The following MRAP2 variants were observed in gnomAD, a reference collection of about 807,000 sequenced individuals.
MRAP2 encodes the protein melanocortin 2 receptor accessory protein 2.
Under a neutral mutation model 17.4 loss-of-function variants are expected in MRAP2, and 20 were observed. The observed-to-expected ratio is 1.15, with a 90% confidence interval of 0.81 to 1.67. The LOEUF (loss-of-function observed/expected upper bound fraction) is 1.67. Among genes scored for constraint, MRAP2 ranks in the 40% most tolerant of loss-of-function variants. The pLI is 0.00. For synonymous variants in MRAP2, 96 were observed against 88.4 expected (o/e 1.09, Z -0.48); for missense variants, 238 against 240.0 (o/e 0.99, Z 0.05).
upstream of MRAP2, chr6:84,033,628 C>T (rs914405157): frequency 8.3e-6 from 8 of 963,410 alleles, no homozygotes; most frequent in Non-Finnish European, 9.9e-6. Flanking sequence ...CTCACCTCCT[C>T]TTGGCCAAGG....
rs557606326 is a variant in MRAP2 at position 84,090,373 on chromosome 6, T to G, written c.*892T>G. The G allele has an allele frequency of 6.6e-6, 1 of 152,282 alleles. No homozygotes were observed. Among genetic ancestry groups the G allele is most frequent in the South Asian group, 2.1e-4 (1 of 4,822 alleles). 9.4% of individuals were successfully genotyped at this position (152,282 alleles called of 1,614,324 possible). ...TTCTGGTGGGTTGTGCTGAAACAGC[T>G]CTTCTGAGAACTTCCAACCACCCAT... On this transcript the variant is annotated 3_prime_UTR_variant, in exon 4 of 4. Coordinates refer to ENST00000257776, the MANE Select transcript of MRAP2 (RefSeq NM_138409.4).
chr6:84,127,964 A>C, the MRAP2 span, among the ~76,000 whole-genome samples: 1 of 152,200 alleles, frequency 6.6e-6, no homozygotes, highest in African/African-American at 2.4e-5. Context: ...TGTGCTAGGC[A>C]TTAGGCTGAG....
chr6:84,094,278 T>G (rs2099502291), downstream of MRAP2, among the ~76,000 whole-genome samples: 1 of 152,180 alleles, frequency 6.6e-6, no homozygotes. Flanking sequence ...TGGCTTTCTC[T>G]CCAGAGCATG....
chr6:84,040,055 C>T (rs2099487118), intron 1 of MRAP2, among the ~76,000 whole-genome samples: 1 of 152,206 alleles, frequency 6.6e-6, no homozygotes, highest in African/African-American at 2.4e-5. Flanking sequence ...GCCTAAATCT[C>T]ATCTTGAACT....
the MRAP2 span, among the ~76,000 whole-genome samples, chr6:84,123,162 C>T: frequency 6.6e-6 from 1 of 151,038 alleles, no homozygotes; most frequent in East Asian, 2.0e-4. Context: ...CCAAAGCAAT[C>T]TACAGATTTG....
At chr6:84,079,060 T>TA (rs1348389392) in intron 3 of MRAP2, among the ~76,000 whole-genome samples, 1 of 152,232 alleles carries the variant, frequency 6.6e-6, no homozygotes, top group East Asian at 1.9e-4. Context: ...TATTCTTAGG[T>TA]ATTTATTCAA....
chr6:84,036,691 C>T (rs1434339632), intron 1 of MRAP2, among the ~76,000 whole-genome samples: 1 of 152,170 alleles, frequency 6.6e-6, no homozygotes, highest in Admixed American at 6.5e-5. Flanking sequence ...CCACTGCTGG[C>T]TCCAGTAGCC....
At chr6:84,040,023 G>A (rs2129157621) in intron 1 of MRAP2, among the ~76,000 whole-genome samples, 2 of 152,314 alleles carry the variant, frequency 1.3e-5, no homozygotes, top group South Asian at 4.1e-4. Flanking sequence ...CTACCAGTGT[G>A]ATATGATTTG....
intron 1 of MRAP2, among the ~76,000 whole-genome samples, chr6:84,048,481 G>A (rs949209940): frequency 6.6e-6 from 1 of 152,160 alleles, no homozygotes; most frequent in Non-Finnish European, 1.5e-5. Flanking sequence ...GGCTGGCTTG[G>A]TATTCTACTG....
At chr6:84,084,859 C>A (rs949814568) in intron 3 of MRAP2, among the ~76,000 whole-genome samples, 1 of 137,124 alleles carries the variant, frequency 7.3e-6, no homozygotes, top group Admixed American at 7.2e-5. Flanking sequence ...CATTTCATTT[C>A]TTTATTTTAT....
intron 1 of MRAP2, among the ~76,000 whole-genome samples, 169 bp downstream of exon 1, chr6:84,034,052 C>T (rs2099485289): frequency 6.6e-6 from 1 of 152,050 alleles, no homozygotes; most frequent in African/African-American, 2.4e-5. Context: ...GTGAGGACGC[C>T]CACGGGAAGA....
At chr6:84,119,144 T>C in the MRAP2 span, among the ~76,000 whole-genome samples, 1 of 152,242 alleles carries the variant, frequency 6.6e-6, no homozygotes, top group African/African-American at 2.4e-5. Flanking sequence ...TTTTTGCTTA[T>C]GATTGTTTTA....
intron 2 of MRAP2, among the ~76,000 whole-genome samples, chr6:84,057,538 A>G (rs771551968): frequency 6.6e-5 from 10 of 152,202 alleles, no homozygotes; most frequent in African/African-American, 1.4e-4. Flanking sequence ...TTTGAATCCA[A>G]TATTAAACCT....
the MRAP2 span, among the ~76,000 whole-genome samples, chr6:84,130,562 G>A: frequency 7.9e-5 from 12 of 152,070 alleles, no homozygotes; most frequent in Non-Finnish European, 1.5e-4. Context: ...TCAGGGATTC[G>A]ACTTCTTCCT....
intron 3 of MRAP2, among the ~76,000 whole-genome samples, chr6:84,072,488 G>A (rs1424240740): frequency 1.3e-5 from 2 of 152,228 alleles, no homozygotes; most frequent in Non-Finnish European, 2.9e-5. Flanking sequence ...GTAGGGAGGG[G>A]CAATGGACTC....
chr6:84,087,437 T>C (rs2099500773), intron 3 of MRAP2, among the ~76,000 whole-genome samples: 1 of 152,218 alleles, frequency 6.6e-6, no homozygotes, highest in African/African-American at 2.4e-5. Context: ...GCTTGACTTT[T>C]CCCTTTAGCT....
chr6:84,038,702 C>T (rs2099486756), intron 1 of MRAP2, among the ~76,000 whole-genome samples: 1 of 152,128 alleles, frequency 6.6e-6, no homozygotes, highest in South Asian at 2.1e-4. Context: ...GCTATGTTGC[C>T]CAGGCTGGTC....
chr6:84,104,466 C>G, the MRAP2 span, among the ~76,000 whole-genome samples: 2 of 152,196 alleles, frequency 1.3e-5, no homozygotes, highest in African/African-American at 4.8e-5. Context: ...TCTTTTCTAT[C>G]GCATAGTTAG....
chr6:84,075,981 G>A (rs147716395), intron 3 of MRAP2, among the ~76,000 whole-genome samples: 35 of 152,220 alleles, frequency 2.3e-4, no homozygotes, highest in African/African-American at 6.7e-4. Flanking sequence ...AAGCCCTGTC[G>A]TTCTGAGGTA....
Sources: allele counts gnomAD v4.1 joint callset (sites outside exome capture counted in the v4.1 genomes callset), GRCh38; gene constraint gnomAD v4.1.1; transcripts MANE v1.5; gene names NCBI Gene and HGNC (gene_info 2026-07-23, HGNC 2026-07-21).